The following NTM variants were observed in gnomAD, a reference collection of about 807,000 sequenced individuals.
NTM encodes the protein IgLON family member 2.
NTM carries 13 observed loss-of-function variants against 42.1 expected under a neutral mutation model. That is an observed-to-expected ratio of 0.31 (90% CI 0.20 to 0.49). The LOEUF (loss-of-function observed/expected upper bound fraction) is 0.49. Ranked by LOEUF, NTM falls within the 20% of genes least tolerant of loss-of-function variation. The probability of loss-of-function intolerance (pLI) is 0.99; values close to 1 mark genes in which losing one functional copy is unlikely to be tolerated. For missense variants in NTM, 373 were observed against 452.8 expected, an observed-to-expected ratio of 0.82 and a Z score of 1.60; for synonymous variants, 187 against 179.2, an observed-to-expected ratio of 1.04 and a Z score of -0.35.
Position 132,317,474 on chromosome 11 carries a change from C to T in NTM, c.934+2771C>T, listed in dbSNP as rs370347952. ...AATATGGAAACATAAAGCATGTCAGCGTTTCTCTTGCCGCACCTTGTCCTA... is the reference window on the plus strand; with the variant it reads ...AATATGGAAACATAAAGCATGTCAGTGTTTCTCTTGCCGCACCTTGTCCTA... On this transcript the variant is annotated intron_variant, in intron 7 of 8. Coordinates refer to ENST00000683400, the MANE Select transcript of NTM (RefSeq NM_001352005.2). 1.1e-3 allele frequency among the ~76,000 whole-genome samples: 173 copies of T among 152,166 alleles called. 4 individuals carry two copies. The South Asian group carries it at 0.036, about 31-fold the overall frequency.
chr11:131,974,277 C>T (rs1012767337), intron 2 of NTM, among the ~76,000 whole-genome samples: 1 of 152,246 alleles, frequency 6.6e-6, no homozygotes, highest in Middle Eastern at 3.4e-3. Flanking sequence ...CAAGGAACAT[C>T]TGTGTTCAAA....
chr11:132,146,185 G>A lies in NTM; in HGVS notation c.168-97G>A, dbSNP rs944485178. On this transcript the variant is annotated intron_variant, in intron 2 of 8. Coordinates refer to ENST00000683400, the MANE Select transcript of NTM (RefSeq NM_001352005.2). The surrounding 1 kb of genome is among the most constrained non-coding windows in gnomAD (Gnocchi z 4.5). Reference sequence around the variant, plus strand: ...GAAATGTATGTGTTGGGGGAAGGGAGAAAGACAAGATATTCTAGCCTTGCC... The same window carrying A: ...GAAATGTATGTGTTGGGGGAAGGGAAAAAGACAAGATATTCTAGCCTTGCC... The A allele has an allele frequency of 1.3e-6, 2 of 1,511,370 alleles. No individual in the cohort carries two copies. Among genetic ancestry groups the A allele is most frequent in the Admixed American group, 2.1e-5 (1 of 48,552 alleles). The allele number at this position is 1,511,370 out of a possible 1,614,324, so 93.6% of individuals were successfully genotyped here.
chr11:131,934,482 A>G (rs1035173633), intron 2 of NTM, among the ~76,000 whole-genome samples: 1 of 152,214 alleles, frequency 6.6e-6, no homozygotes, highest in Non-Finnish European at 1.5e-5. Flanking sequence ...TCATTCATTC[A>G]TTGAAATTTT....
At chr11:132,001,775 GGC>G (rs1491482673) in intron 2 of NTM, among the ~76,000 whole-genome samples, 1 of 131,028 alleles carries the variant, frequency 7.6e-6, no homozygotes, top group African/African-American at 2.9e-5. Context: ...CACACAGACA[GGC>G]ACACACACAC....
intron 2 of NTM, among the ~76,000 whole-genome samples, chr11:132,118,529 A>C (rs1427374779): frequency 1.3e-5 from 2 of 152,212 alleles, no homozygotes; most frequent in Non-Finnish European, 2.9e-5. Flanking sequence ...AGAAGAAAGA[A>C]ACCTCGGAAC....
intron 7 of NTM, among the ~76,000 whole-genome samples, chr11:132,319,101 G>C (rs774117717): frequency 2.6e-5 from 4 of 152,182 alleles, no homozygotes; most frequent in Admixed American, 2.6e-4. Flanking sequence ...ATTCACAGAC[G>C]TAAAATAGAG....
chr11:131,836,809 C>G (rs915311217), intron 1 of NTM, among the ~76,000 whole-genome samples: 2 of 152,038 alleles, frequency 1.3e-5, no homozygotes, highest in Admixed American at 6.5e-5. Flanking sequence ...TGAATGAATC[C>G]TTATTTAAGT....
At chr11:131,552,075 G>A (rs545652915) in intron 1 of NTM, among the ~76,000 whole-genome samples, 9 of 152,204 alleles carry the variant, frequency 5.9e-5, no homozygotes, top group East Asian at 1.9e-4. Flanking sequence ...GTAACACAGA[G>A]AGGCAAGTTA....
intron 2 of NTM, among the ~76,000 whole-genome samples, chr11:131,965,679 C>T (rs1158980787): frequency 6.6e-6 from 1 of 152,142 alleles, no homozygotes; most frequent in Non-Finnish European, 1.5e-5. Context: ...GCTTGTGACT[C>T]TGAAGCATCT....
At chr11:131,859,832 T>C (rs1338153879) in intron 1 of NTM, among the ~76,000 whole-genome samples, 2 of 151,948 alleles carry the variant, frequency 1.3e-5, no homozygotes, top group East Asian at 1.9e-4. Flanking sequence ...TGAGACACTT[T>C]GTATTTCCAT....
chr11:132,196,131 G>A (rs150881298), intron 3 of NTM, among the ~76,000 whole-genome samples: 631 of 152,146 alleles, frequency 4.1e-3, no homozygotes, highest in African/African-American at 0.012. Flanking sequence ...AAAAATAGGC[G>A]AAGGACATGA....
At chr11:131,753,329 G>A (rs2082826135) in intron 1 of NTM, among the ~76,000 whole-genome samples, 1 of 151,838 alleles carries the variant, frequency 6.6e-6, no homozygotes, top group African/African-American at 2.4e-5. Context: ...GGAAGTCAGT[G>A]TGGCGATTCC....
At chr11:131,816,726 T>C (rs1322069714) in intron 1 of NTM, among the ~76,000 whole-genome samples, 1 of 152,142 alleles carries the variant, frequency 6.6e-6, no homozygotes, top group Non-Finnish European at 1.5e-5. Context: ...CGAAGTGTTC[T>C]GTAGGTATCT....
At chr11:132,325,335 C>G (rs982569189) in intron 7 of NTM, among the ~76,000 whole-genome samples, 1 of 151,936 alleles carries the variant, frequency 6.6e-6, no homozygotes, top group African/African-American at 2.4e-5. Context: ...AAAAAAACAA[C>G]CCCATCAAAA....
At chr11:131,660,466 C>A (rs1241228558) in intron 1 of NTM, 1 of 456,946 alleles carries the variant, frequency 2.2e-6, no homozygotes, top group African/African-American at 2.0e-5. Context: ...TGGAAAATCA[C>A]CCTGCAGGGA....
At chr11:131,514,507 G>T (rs528116760) in intron 1 of NTM, among the ~76,000 whole-genome samples, 1 of 152,046 alleles carries the variant, frequency 6.6e-6, no homozygotes, top group Admixed American at 6.6e-5. Flanking sequence ...TGGAATTCAG[G>T]TATCTGTATT....
intron 1 of NTM, among the ~76,000 whole-genome samples, chr11:131,390,974 G>A (rs527298447): frequency 6.6e-6 from 1 of 152,156 alleles, no homozygotes; most frequent in East Asian, 1.9e-4. Context: ...GAACTACTAC[G>A]CCCAGTCCCA....
At chr11:131,397,244 A>G (rs1485495557) in intron 1 of NTM, among the ~76,000 whole-genome samples, 1 of 152,172 alleles carries the variant, frequency 6.6e-6, no homozygotes, top group African/African-American at 2.4e-5. Context: ...CTTTGGAACC[A>G]TACACTTGAA....
chr11:131,714,851 A>G (rs1299205158), intron 1 of NTM, among the ~76,000 whole-genome samples: 1 of 152,098 alleles, frequency 6.6e-6, no homozygotes, highest in Non-Finnish European at 1.5e-5. Context: ...CAGCCTTTGC[A>G]GTTTCCCGTG....
Sources: gnomAD v4.1 joint callset for allele counts (sites outside exome capture counted in the v4.1 genomes callset) on GRCh38, gnomAD v4.1.1 for gene constraint, Gnocchi (gnomAD v3.1) non-coding constraint, MANE v1.5 for transcripts, NCBI Gene and HGNC (gene_info 2026-07-23, HGNC 2026-07-21) for gene names.